Variants in MID1 observed in about 807,000 individuals in gnomAD.
MID1 encodes the protein E3 ubiquitin-protein ligase Midline-1.
MID1 carries 7 observed loss-of-function variants against 40.4 expected under a neutral mutation model. The observed-to-expected ratio is 0.17, with a 90% CI of 0.10 to 0.33. The LOEUF is 0.33. Among genes scored for constraint, MID1 ranks in the 10% least tolerant of loss-of-function variants. MID1 has a pLI of 1.00. For missense variants in MID1, 367 were observed against 558.5 expected (o/e 0.66, Z 3.46); for synonymous variants, 229 against 221.2 (o/e 1.04, Z -0.31).
In MID1 at chrX:10,817,550, TTCTTTCTTTCTTTCTTTCTTTCTC is replaced by T. The variant is rs1271941455; in HGVS notation, c.-187+15980_-187+16003del. On this transcript the variant is annotated intron_variant, in intron 1 of 10. Coordinates refer to the MID1 transcript ENST00000380785. ...TTTCTTTCTTTCTTTCTTTCTTTCT[TTCTTTCTTTCTTTCTTTCTTTCTC>T]TCTTTCTTTCTTTCTCTCTCTCTTT... Among the ~76,000 whole-genome samples the T allele has an allele frequency of 2.0e-3, 206 of 103,475 alleles. 1 individual carries two copies. Among genetic ancestry groups the T allele is most frequent in the African/African-American group, 6.8e-3 (190 of 28,056 alleles). 89.9% of individuals were successfully genotyped at this position (103,475 alleles called of 115,157 possible).
At chrX:10,686,115 TG>T (rs1403217248) in intron 1 of MID1, among the ~76,000 whole-genome samples, 1 of 111,554 alleles carries the variant, frequency 9.0e-6, no homozygotes, top group Non-Finnish European at 1.9e-5. Flanking sequence ...TCTGATCCTG[TG>T]GGTCTGGGGC....
chrX:10,505,247 A>G (rs1931772056), intron 3 of MID1: 1 of 513,124 alleles, frequency 1.9e-6, no homozygotes, highest in African/African-American at 2.6e-5. Flanking sequence ...TCACAATTAT[A>G]ATAAATGTTA....
chrX:10,636,499 G>C (rs1352689245), intron 1 of MID1, among the ~76,000 whole-genome samples: 1 of 109,670 alleles, frequency 9.1e-6, no homozygotes, highest in Non-Finnish European at 1.9e-5. Flanking sequence ...AGGTTTCACC[G>C]TTGGGATTTG....
At chrX:10,513,502 CATTTT>C (rs1435191981) in intron 3 of MID1, among the ~76,000 whole-genome samples, 4 of 111,756 alleles carry the variant, frequency 3.6e-5, no homozygotes, top group Admixed American at 9.5e-5. Context: ...TAACAATGGC[CATTTT>C]ATTTTATTTT....
intron 1 of MID1, among the ~76,000 whole-genome samples, chrX:10,707,292 C>T (rs2043237922): frequency 1.8e-5 from 2 of 111,119 alleles, no homozygotes; most frequent in South Asian, 3.8e-4. Context: ...GCCTTCACCG[C>T]GGAAGGGGAA....
intron 1 of MID1, among the ~76,000 whole-genome samples, chrX:10,702,739 ATGTT>A (rs201483381): frequency 0.011 from 1,288 of 112,558 alleles, 24 homozygotes; most frequent in African/African-American, 0.039. Context: ...TATGGACTAA[ATGTT>A]TGTGTCTTCC....
chrX:10,455,036 G>A lies in MID1; in HGVS notation c.1489C>T (p.Leu497=), dbSNP rs138629923. 6.5e-4 allele frequency: 785 copies of A among 1,209,667 alleles called. No homozygotes were observed. The highest frequency in any genetic ancestry group is 8.2e-4 in the Non-Finnish European group (731 of 894,924). The change falls in exon 9 of 10, where the codon CTG becomes TTG. Residue 497 remains leucine, a synonymous_variant. Transcript: ENST00000317552. ...GTCAAGTTATCATGGGACACCTTCA[G>A]TTTTCGATGAGCAGATTTGGGATCC... ...KLDPKSAHRK[L]KVSHDNLTVE...
chrX:10,643,831 A>C (rs1250701028), intron 1 of MID1, among the ~76,000 whole-genome samples: 2 of 111,885 alleles, frequency 1.8e-5, no homozygotes, highest in African/African-American at 6.5e-5. Flanking sequence ...AGCCATAAAA[A>C]ATGATGAGTT....
intron 2 of MID1, among the ~76,000 whole-genome samples, chrX:10,553,533 G>A (rs1431745963): frequency 9.0e-6 from 1 of 111,566 alleles, no homozygotes; most frequent in Non-Finnish European, 1.9e-5. Context: ...GGTCTCTTAA[G>A]AAATTTGAAA....
At chrX:10,668,388 G>GA (rs1162444435) in intron 1 of MID1, among the ~76,000 whole-genome samples, 1 of 111,967 alleles carries the variant, frequency 8.9e-6, no homozygotes, top group Admixed American at 9.5e-5. Flanking sequence ...ATTTTGTTGT[G>GA]AAAATATAAG....
chrX:10,622,131 T>C (rs1336221509), upstream of MID1, among the ~76,000 whole-genome samples: 1 of 109,305 alleles, frequency 9.1e-6, no homozygotes, highest in Admixed American at 9.8e-5. Context: ...TCTGATTCAG[T>C]AGGTTTGCTG....
intron 1 of MID1, among the ~76,000 whole-genome samples, chrX:10,568,937 A>G (rs966277568): frequency 9.0e-6 from 1 of 111,565 alleles, no homozygotes; most frequent in Non-Finnish European, 1.9e-5. Flanking sequence ...GCTGTGGGAG[A>G]ACAGTGCAGT....
chrX:10,580,317 G>A (rs1490397681), intron 1 of MID1, among the ~76,000 whole-genome samples: 3 of 109,576 alleles, frequency 2.7e-5, no homozygotes, highest in Admixed American at 9.8e-5. Context: ...TAGTCCCAAG[G>A]AAAGTGAATT....
At chrX:10,735,434 G>T (rs904005758) in intron 1 of MID1, among the ~76,000 whole-genome samples, 1 of 111,756 alleles carries the variant, frequency 8.9e-6, no homozygotes, top group Middle Eastern at 4.3e-3. Flanking sequence ...ACACAGTAAG[G>T]TAGTAGCCTT....
At chrX:10,643,454 A>G (rs1312996827) in intron 1 of MID1, among the ~76,000 whole-genome samples, 1 of 111,863 alleles carries the variant, frequency 8.9e-6, no homozygotes, top group African/African-American at 3.3e-5. Flanking sequence ...GCAAATCAAA[A>G]CCACAATGAG....
intron 1 of MID1, among the ~76,000 whole-genome samples, chrX:10,663,530 T>C (rs767155946): frequency 9.0e-6 from 1 of 110,517 alleles, no homozygotes; most frequent in East Asian, 2.8e-4. Context: ...TGTTTGTTTT[T>C]TGTTTGTTTG....
At chrX:10,748,862 G>A (rs956163828) in intron 1 of MID1, among the ~76,000 whole-genome samples, 3 of 111,192 alleles carry the variant, frequency 2.7e-5, no homozygotes, top group African/African-American at 9.8e-5. Flanking sequence ...TATCATGGAT[G>A]GGGGGACACA....
intron 1 of MID1, among the ~76,000 whole-genome samples, chrX:10,669,132 T>A (rs1228116683): frequency 9.9e-6 from 1 of 101,410 alleles, no homozygotes; most frequent in East Asian, 3.0e-4. Context: ...GGCAGGAGAA[T>A]GGCGTGAACC....
intron 6 of MID1, among the ~76,000 whole-genome samples, chrX:10,470,424 A>G (rs1241767421): frequency 8.9e-6 from 1 of 112,314 alleles, no homozygotes; most frequent in Non-Finnish European, 1.9e-5. Flanking sequence ...GGTGCCAGAT[A>G]CTTATATCTT....
Sources: gnomAD v4.1 joint callset for allele counts (sites outside exome capture counted in the v4.1 genomes callset) on GRCh38, gnomAD v4.1.1 for gene constraint, MANE v1.5 for transcripts, NCBI Gene and HGNC (gene_info 2026-07-23, HGNC 2026-07-21) for gene names.